Variants in CHEK1 observed in about 807,000 individuals in gnomAD.
The protein encoded by CHEK1 is serine/threonine-protein kinase Chk1.
A neutral mutation model predicts 60.2 loss-of-function variants in CHEK1; 32 were observed. The ratio of observed to expected loss-of-function variants is 0.53; its 90% CI spans 0.40 to 0.71. The LOEUF (loss-of-function observed/expected upper bound fraction) is 0.71. Ranked by LOEUF, CHEK1 falls within the 30% of genes least tolerant of loss-of-function variation. The pLI, the probability that CHEK1 is intolerant of heterozygous loss-of-function variation, is 0.00. For missense variants in CHEK1, 399 were observed against 564.6 expected (o/e 0.71, Z 2.97); for synonymous variants, 179 against 187.2 (o/e 0.96, Z 0.36).
chr11:125,644,246 T>C lies in CHEK1; in HGVS notation c.1079T>C (p.Leu360Pro), dbSNP rs2136028585. 1 of 1,613,170 alleles carries C rather than the reference T, an allele frequency of 6.2e-7. No homozygotes were observed. The highest frequency in any genetic ancestry group is 1.1e-5 in the South Asian group (1 of 90,584). Reference protein sequence around the residue: ...PDHMLLNSQLLGTPGSSQNPW... With the variant: ...PDHMLLNSQLPGTPGSSQNPW... The stretch of plus-strand genomic sequence containing the variant: ...CATATGCTTTTGAATAGTCAGTTAC[T>C]TGGCACCCCAGGATCCTCACAGGTG... The change falls in exon 10 of 13, where the codon CTT (leucine) becomes CCT (proline). Residue 360 changes from leucine to proline, a missense_variant. By Grantham distance (98) the Leu-to-Pro change is moderately conservative. Transcript: ENST00000438015.
chr11:125,678,018 C>T (rs1232171166), downstream of CHEK1: 7 of 1,614,054 alleles, frequency 4.3e-6, no homozygotes, highest in Admixed American at 1.0e-4. Context: ...AGGCTGCTCA[C>T]CTACAGTATG....
intron 12 of CHEK1, among the ~76,000 whole-genome samples, chr11:125,654,261 C>T (rs368881905): frequency 2.6e-5 from 4 of 151,894 alleles, no homozygotes; most frequent in South Asian, 2.1e-4. Context: ...ACCTGGGAGG[C>T]GGAGGTTGCA....
chr11:125,671,576 CTTG>C (rs1421842528), intron 13 of CHEK1: 3 of 152,088 alleles, frequency 2.0e-5, no homozygotes, highest in African/African-American at 7.2e-5. Context: ...AAATTGACTT[CTTG>C]TTGTACTGTT....
chr11:125,668,916 C>T (rs1198380982), intron 13 of CHEK1, among the ~76,000 whole-genome samples: 3 of 151,720 alleles, frequency 2.0e-5, no homozygotes, highest in African/African-American at 7.3e-5. Context: ...TTCTTTTTTC[C>T]AAGGATTATC....
At chr11:125,678,352 G>T, downstream of CHEK1, 1 of 1,577,344 alleles carries the variant, frequency 6.3e-7, no homozygotes, top group East Asian at 2.2e-5. Flanking sequence ...ATGGGATAAA[G>T]ACTATCTTCC....
At chr11:125,645,373 T>G (rs147729452) in intron 11 of CHEK1, among the ~76,000 whole-genome samples, 1 of 152,310 alleles carries the variant, frequency 6.6e-6, no homozygotes, top group Non-Finnish European at 1.5e-5. Flanking sequence ...AGAGCATAGT[T>G]ATAACATTGG....
chr11:125,659,596 T>A (rs1171489241), downstream of CHEK1, among the ~76,000 whole-genome samples: 1 of 152,172 alleles, frequency 6.6e-6, no homozygotes, highest in Non-Finnish European at 1.5e-5. Flanking sequence ...AGTTCTCAGA[T>A]CTTTATATGA....
chr11:125,654,702 G>A (rs1450626650), intron 12 of CHEK1, among the ~76,000 whole-genome samples: 1 of 152,168 alleles, frequency 6.6e-6, no homozygotes, highest in Admixed American at 6.5e-5. Context: ...GGTTGGAGGG[G>A]TAGCTGCTGT....
chr11:125,629,309 G>A lies in CHEK1; in HGVS notation c.354+13G>A. On this transcript the variant is annotated intron_variant, in intron 4 of 12. Coordinates refer to ENST00000438015, the MANE Select transcript of CHEK1 (RefSeq NM_001114122.3). ...CATGGCAGGGGTGGTAGGTATAGTTGTCTATTTCCCTTTTACTTAAAATTA... is the reference window on the plus strand; with the variant it reads ...CATGGCAGGGGTGGTAGGTATAGTTATCTATTTCCCTTTTACTTAAAATTA... The A allele has an allele frequency of 1.2e-6, 2 of 1,613,914 alleles. No homozygotes were observed. Among genetic ancestry groups the A allele is most frequent in the Non-Finnish European group, 1.7e-6 (2 of 1,179,880 alleles).
At position 125,627,784 on chromosome 11, in the gene CHEK1, T is replaced by C. The variant is rs749379181; in HGVS notation, c.243T>C (p.Tyr81=). 1 of 1,612,404 alleles carries C rather than the reference T, an allele frequency of 6.2e-7. No homozygotes were observed. Residue 81 remains tyrosine, a synonymous_variant, in exon 3 of 13, where the codon TAT becomes TAC. Transcript: ENST00000438015. ...ACAGGAGAGAAGGCAATATCCAATA[T>C]TTATTTCTGGAGTACTGTAGTGGAG... The part of the protein sequence containing the change: ...YGHRREGNIQ[Y]LFLEYCSGGE...
chr11:125,666,872 T>C, intron 13 of CHEK1, among the ~76,000 whole-genome samples: 1 of 152,160 alleles, frequency 6.6e-6, no homozygotes, highest in Non-Finnish European at 1.5e-5. Context: ...TCAGTTTATA[T>C]GTATCTTCGT....
At chr11:125,630,914 T>G (rs1231737116) in intron 5 of CHEK1, among the ~76,000 whole-genome samples, 2 of 130,012 alleles carry the variant, frequency 1.5e-5, no homozygotes, top group Non-Finnish European at 3.4e-5. Context: ...TCACAAGCAG[T>G]GACACAAGCA....
At chr11:125,669,955 A>C (rs552001971) in intron 13 of CHEK1, among the ~76,000 whole-genome samples, 3 of 152,276 alleles carry the variant, frequency 2.0e-5, no homozygotes, top group African/African-American at 7.2e-5. Context: ...TTTCTGTCTC[A>C]TCTCTTTCCT....
downstream of CHEK1, among the ~76,000 whole-genome samples, chr11:125,657,569 T>C (rs900362271): frequency 2.0e-5 from 3 of 152,230 alleles, no homozygotes; most frequent in Non-Finnish European, 4.4e-5. Flanking sequence ...ATTTAGTTTA[T>C]GTATTTTTAA....
downstream of CHEK1, chr11:125,677,720 T>A (rs1401661695): frequency 4.4e-6 from 7 of 1,574,058 alleles, no homozygotes; most frequent in Non-Finnish European, 6.1e-6. Flanking sequence ...ACTCCTTCCC[T>A]AAAATTGGGT....
intron 13 of CHEK1, among the ~76,000 whole-genome samples, chr11:125,673,951 G>T (rs1942348470): frequency 6.6e-6 from 1 of 152,168 alleles, no homozygotes; most frequent in African/African-American, 2.4e-5. Context: ...TTGAGGCCAG[G>T]AGTTCAAGAC....
Position 125,643,781 on chromosome 11 carries a change from T to G in CHEK1, c.815-11T>G. The G allele has an allele frequency of 6.2e-7, 1 of 1,605,948 alleles. No homozygotes were observed. The highest frequency in any genetic ancestry group is 8.5e-7 in the Non-Finnish European group (1 of 1,177,354). On this transcript the variant is annotated splice_polypyrimidine_tract_variant and intron_variant, in intron 8 of 12. Coordinates refer to ENST00000438015, the MANE Select transcript of CHEK1 (RefSeq NM_001114122.3). ...AGACTTGAAAGCATTTGTATTTGTT[T>G]TCTTTTTTAGGGGCAAAAAGGCCCC... is the stretch of plus-strand genomic sequence containing the variant.
At chr11:125,661,435 C>A (rs1001015729), downstream of CHEK1, among the ~76,000 whole-genome samples, 8 of 152,104 alleles carry the variant, frequency 5.3e-5, no homozygotes, top group Admixed American at 2.0e-4. Context: ...CCTCAGCCTC[C>A]CCAGTAGCTG....
chr11:125,626,136 C>A lies in CHEK1; in HGVS notation c.-21+124C>A, dbSNP rs1435616981. 1.3e-5 allele frequency: 8 copies of A among 614,724 alleles called. No homozygotes were observed. In the South Asian group the frequency reaches 1.5e-4, roughly 11 times the overall value. The allele number at this position is 614,724 out of a possible 1,614,324, so 38.1% of individuals were successfully genotyped here. The stretch of plus-strand genomic sequence containing the variant: ...ACTAGCGCAGGGGATTGGAGAGACT[C>A]CTGCGGAGGGGCGGTTTCGGAGGGT... On this transcript the variant is annotated intron_variant, in intron 1 of 12. Coordinates refer to ENST00000438015, the MANE Select transcript of CHEK1 (RefSeq NM_001114122.3).
Sources: gnomAD v4.1 joint callset for allele counts (sites outside exome capture counted in the v4.1 genomes callset) on GRCh38, gnomAD v4.1.1 for gene constraint, MANE v1.5 for transcripts, NCBI Gene and HGNC (gene_info 2026-07-23, HGNC 2026-07-21) for gene names.